The following MYEOV variants were observed in gnomAD, a reference collection of about 807,000 sequenced individuals.
The protein encoded by MYEOV is myeloma-overexpressed gene protein.
A neutral mutation model predicts 4.5 loss-of-function variants in MYEOV; 4 were observed. That is an observed-to-expected ratio of 0.89 (90% CI 0.44 to 2.03). The LOEUF (loss-of-function observed/expected upper bound fraction) is 2.03. MYEOV is among the 30% of genes most tolerant of loss of function. The pLI is 0.03. For synonymous variants in MYEOV, 184 were observed against 170.3 expected, an observed-to-expected ratio of 1.08 and a Z score of -0.63; for missense variants, 408 against 412.8, an observed-to-expected ratio of 0.99 and a Z score of 0.10.
In MYEOV at chr11:69,295,712, G is replaced by C; in HGVS notation, c.262G>C (p.Val88Leu). ...GRLCLSQALR[V>L]AVRGAFVSLW... is the part of the protein sequence containing the mutation. ...CCTCTGTCTCTCCCAGGCCCTGCGT[G>C]TTGCGGTGAGAGGAGCATTTGTGTC... The change falls in exon 3 of 3, where the codon GTT (valine) becomes CTT (leucine). Residue 88 changes from valine to leucine, a missense_variant. Val to Leu is a conservative substitution (Grantham distance 32). Coordinates refer to ENST00000441339, the MANE Select transcript of MYEOV (RefSeq NM_001293291.2). This position sits in a 1 kb window ranked among gnomAD's most constrained non-coding sequence, Gnocchi z 4.1. 1 of 1,614,224 alleles carries C rather than the reference G, an allele frequency of 6.2e-7. No homozygotes were observed. The highest frequency in any genetic ancestry group is 1.1e-5 in the South Asian group (1 of 91,078).
Position 69,296,624 on chromosome 11 carries a change from T to C in MYEOV, c.*232T>C, listed in dbSNP as rs1316704080. On this transcript the variant is annotated 3_prime_UTR_variant, in exon 3 of 3. Transcript: ENST00000441339. Reference sequence around the variant, plus strand: ...TCTTCCCTAACTAGACAATTTTTTATTGAGTGTCTCCCAGGTGCAGGCATG... The same window carrying C: ...TCTTCCCTAACTAGACAATTTTTTACTGAGTGTCTCCCAGGTGCAGGCATG... 2.6e-5 allele frequency: 11 copies of C among 429,482 alleles called. No homozygotes were observed. The highest frequency in any genetic ancestry group is 3.9e-5 in the Admixed American group (1 of 25,816). 26.6% of individuals were successfully genotyped at this position (429,482 alleles called of 1,614,324 possible).
Position 69,297,047 on chromosome 11 carries a change from GGGTCCCT to G in MYEOV, c.*659_*665del, listed in dbSNP as rs1472670607. On this transcript the variant is annotated 3_prime_UTR_variant, in exon 3 of 3. Transcript: ENST00000441339. ...GGTTCTTATTGGAACCCAGGCTCCA[GGGTCCCT>G]GGTTTTCTGTGACATCATGCTGCAG... is the stretch of plus-strand genomic sequence containing the variant. The G allele has an allele frequency of 6.6e-6, 1 of 152,190 alleles. No individual in the cohort carries two copies. Among genetic ancestry groups the G allele is most frequent in the African/African-American group, 2.4e-5 (1 of 41,436 alleles). 9.4% of individuals were successfully genotyped at this position (152,190 alleles called of 1,614,324 possible).
chr11:69,295,108 T>C lies in MYEOV; in HGVS notation c.-122-125T>C. ...CTTCCAGGATCATGAGGTGAAAACG[T>C]GAAGGGACCCTAGAGGCCATGGGGA... On this transcript the variant is annotated intron_variant, in intron 1 of 2. Transcript: ENST00000441339. The surrounding 1 kb of genome is among the most constrained non-coding windows in gnomAD (Gnocchi z 4.1). 1 of 562,730 alleles carries C rather than the reference T, an allele frequency of 1.8e-6. No individual in the cohort carries two copies. The highest frequency in any genetic ancestry group is 2.4e-5 in the South Asian group (1 of 41,702). The allele number at this position is 562,730 out of a possible 1,614,324, so 34.9% of individuals were successfully genotyped here. A position where few individuals can be genotyped will look rare whatever the true frequency, so the allele number is the denominator to read the frequency against.
chr11:69,296,453 C>A lies in MYEOV; in HGVS notation c.*61C>A. On this transcript the variant is annotated 3_prime_UTR_variant, in exon 3 of 3. Transcript: ENST00000441339. Reference sequence around the variant, plus strand: ...CCTCATTTAATCCTCAGAATGACTCCATGAGGTAGCTACTAAAACCCCCCA... The same window carrying A: ...CCTCATTTAATCCTCAGAATGACTCAATGAGGTAGCTACTAAAACCCCCCA... 9.0e-7 allele frequency: 1 copy of A among 1,105,738 alleles called. No individual in the cohort carries two copies. The highest frequency in any genetic ancestry group is 1.3e-6 in the Non-Finnish European group (1 of 794,284). The allele number at this position is 1,105,738 out of a possible 1,614,324, so 68.5% of individuals were successfully genotyped here.
Position 69,297,017 on chromosome 11 carries a change from T to C in MYEOV, c.*625T>C, listed in dbSNP as rs1037431533. 6 of 152,210 alleles carry C rather than the reference T, an allele frequency of 3.9e-5. No individual in the cohort carries two copies. The highest frequency in any genetic ancestry group is 1.4e-4 in the African/African-American group (6 of 41,442). The allele number at this position is 152,210 out of a possible 1,614,324, so 9.4% of individuals were successfully genotyped here. ...CAGGGAGAAATCTAAGGCGTCAGAA[T>C]GTAAGGTTCTTATTGGAACCCAGGC... On this transcript the variant is annotated 3_prime_UTR_variant, in exon 3 of 3. Transcript: ENST00000441339.
rs771807200 is a variant in MYEOV, at chr11:69,296,136, A to AT, written c.687dup (p.Glu230Ter). The AT allele has an allele frequency of 2.5e-6, 4 of 1,614,074 alleles. No individual in the cohort carries two copies. The Admixed American group carries it at 6.7e-5, about 27-fold the overall frequency. On this transcript the variant is annotated frameshift_variant, in exon 3 of 3. Coordinates refer to ENST00000441339, the MANE Select transcript of MYEOV (RefSeq NM_001293291.2). ...CTGGCAGAATCGAGCTGCCCTGACT[A>AT]TGAAAGGGGAAGAAGAGCATGCCTG...
Position 69,295,831 on chromosome 11 carries a change from C to T in MYEOV, c.381C>T (p.Asp127=), listed in dbSNP as rs144026711. 22 of 1,613,994 alleles carry T rather than the reference C, an allele frequency of 1.4e-5. No individual in the cohort carries two copies. The highest frequency in any genetic ancestry group is 4.0e-5 in the African/African-American group (3 of 74,888). The part of the protein sequence containing the change: ...TGAGLSQEAE[D]VDVSRARRVT... ...CGGGGCTCAGCCAGGAGGCAGAAGA[C>T]GTGGACGTGTCCCGGGCCAGGAGGG... Residue 127 remains aspartate, a synonymous_variant, in exon 3 of 3, where the codon GAC becomes GAT. Transcript: ENST00000441339. This position sits in a 1 kb window ranked among gnomAD's most constrained non-coding sequence, Gnocchi z 4.1.
rs980626078 is a variant in MYEOV, at chr11:69,296,359, C to T, written c.909C>T (p.Leu303=). The change falls in exon 3 of 3, where the codon CTC becomes CTT. Residue 303 remains leucine (L), a synonymous_variant. Coordinates refer to ENST00000441339, the MANE Select transcript of MYEOV (RefSeq NM_001293291.2). ...CTCCTCTCCTCCTCCACCACCTCCT[C>T]CTCCTCCTCCTCATCATCATCCTCA... The part of the protein sequence containing the change: ...GASPLLLHHL[L]LLLLIIILTC The T allele has an allele frequency of 1.4e-6, 2 of 1,480,012 alleles. No individual in the cohort carries two copies. Among genetic ancestry groups the T allele is most frequent in the Non-Finnish European group, 1.8e-6 (2 of 1,113,992 alleles). 91.7% of individuals were successfully genotyped at this position (1,480,012 alleles called of 1,614,324 possible).
rs146387225 is a variant in MYEOV at position 69,295,987 on chromosome 11, G to C, written c.537G>C (p.Ser179=). Residue 179 remains serine (S), a synonymous_variant, in exon 3 of 3, where the codon TCG becomes TCC. Transcript: ENST00000441339. The surrounding 1 kb of genome is among the most constrained non-coding windows in gnomAD (Gnocchi z 4.1). ...TGGGCGTTGAGCAGGCCATTAGCTCGTGCCCTGAGGAGGTGCATGGGCGGC... is the reference window on the plus strand; with the variant it reads ...TGGGCGTTGAGCAGGCCATTAGCTCCTGCCCTGAGGAGGTGCATGGGCGGC... ...FRVGVEQAIS[S]CPEEVHGRHG... 4.3e-6 allele frequency: 7 copies of C among 1,614,156 alleles called. No homozygotes were observed. In the South Asian group the frequency reaches 5.5e-5, roughly 13 times the overall value.
chr11:69,295,714 T>C lies in MYEOV; in HGVS notation c.264T>C (p.Val88=). The change falls in exon 3 of 3, where the codon GTT becomes GTC. Residue 88 remains valine (V), a synonymous_variant. Coordinates refer to ENST00000441339, the MANE Select transcript of MYEOV (RefSeq NM_001293291.2). The surrounding 1 kb of genome is among the most constrained non-coding windows in gnomAD (Gnocchi z 4.1). ...TCTGTCTCTCCCAGGCCCTGCGTGT[T>C]GCGGTGAGAGGAGCATTTGTGTCTC... The part of the protein sequence containing the change: ...GRLCLSQALR[V]AVRGAFVSLW... 2.5e-6 allele frequency: 4 copies of C among 1,614,040 alleles called. No individual in the cohort carries two copies. The highest frequency in any genetic ancestry group is 3.4e-6 in the Non-Finnish European group (4 of 1,179,996).
rs770704589 is a variant in MYEOV, at chr11:69,296,050, T to TGGGAGCCAG, written c.601_602insGGAGCCAGG (p.Asp200_Val201insGlySerGln). 6.2e-6 allele frequency: 10 copies of TGGGAGCCAG among 1,614,024 alleles called. No homozygotes were observed. The South Asian group carries it at 1.1e-4, about 18-fold the overall frequency. ...TGGAAATTATGTGGGCGCGAATGGA[T>TGGGAGCCAG]GTGGCTCTGCGCTCACCTGGGCGAG... On this transcript the variant is annotated inframe_insertion, in exon 3 of 3. Coordinates refer to ENST00000441339, the MANE Select transcript of MYEOV (RefSeq NM_001293291.2).
rs1467643182 is a variant in MYEOV at position 69,295,856 on chromosome 11, G to A, written c.406G>A (p.Val136Ile). The A allele has an allele frequency of 6.2e-7, 1 of 1,614,156 alleles. No homozygotes were observed. Among genetic ancestry groups the A allele is most frequent in the South Asian group, 1.1e-5 (1 of 91,086 alleles). ...EDVDVSRARR[V>I]TDAPQGTLCG... The stretch of plus-strand genomic sequence containing the variant: ...CGTGGACGTGTCCCGGGCCAGGAGG[G>A]TCACAGATGCACCACAAGGCACTCT... The change falls in exon 3 of 3, where the codon GTC (valine) becomes ATC (isoleucine). Residue 136 changes from valine to isoleucine, a missense_variant. Transcript: ENST00000441339. The surrounding 1 kb of genome is among the most constrained non-coding windows in gnomAD (Gnocchi z 4.1).
chr11:69,296,002 G>A lies in MYEOV; in HGVS notation c.552G>A (p.Val184=), dbSNP rs766412925. Residue 184 remains valine, a synonymous_variant, in exon 3 of 3, where the codon GTG becomes GTA. Coordinates refer to ENST00000441339, the MANE Select transcript of MYEOV (RefSeq NM_001293291.2). ...EQAISSCPEE[V]HGRHGLSMEI... ...CCATTAGCTCGTGCCCTGAGGAGGT[G>A]CATGGGCGGCATGGGCTCTCCATGG... 2.5e-6 allele frequency: 4 copies of A among 1,614,034 alleles called. No homozygotes were observed. The highest frequency in any genetic ancestry group is 1.6e-4 in the Middle Eastern group (1 of 6,084).
chr11:69,295,865 G>GCAC lies in MYEOV; in HGVS notation c.419_421dup (p.Pro140dup), dbSNP rs1855171982. ...GTCCCGGGCCAGGAGGGTCACAGAT[G>GCAC]CACCACAAGGCACTCTGTGTGGCAC... On this transcript the variant is annotated inframe_insertion, in exon 3 of 3. Transcript: ENST00000441339. The surrounding 1 kb of genome is among the most constrained non-coding windows in gnomAD (Gnocchi z 4.1). 1 of 1,614,192 alleles carries GCAC rather than the reference G, an allele frequency of 6.2e-7. No homozygotes were observed. Among genetic ancestry groups the GCAC allele is most frequent in the African/African-American group, 1.3e-5 (1 of 75,046 alleles).
rs552116583 is a variant in MYEOV, at chr11:69,296,256, T to TG, written c.813dup (p.Trp272ValfsTer6). On this transcript the variant is annotated frameshift_variant, in exon 3 of 3. Transcript: ENST00000441339. ...CTGACTGTTGTGACTGTTGAGGCCC[T>TG]GGGGGGGTGGCGCATGGGAGTTAGG... is the stretch of plus-strand genomic sequence containing the variant. 1.1e-5 allele frequency: 18 copies of TG among 1,590,472 alleles called. No homozygotes were observed. The highest frequency in any genetic ancestry group is 1.7e-4 in the Middle Eastern group (1 of 5,936).
rs754332632 is a variant in MYEOV at position 69,295,396 on chromosome 11, G to A, written c.42G>A (p.Pro14=). The part of the protein sequence containing the change: ...RICVTYTPAL[P]IGLCTRCCLC... ...GCGTCACATACACCCCAGCTCTCCC[G>A]ATAGGTCTCTGCACTCGCTGTTGCC... The change falls in exon 2 of 3, where the codon CCG becomes CCA. Residue 14 remains proline (P), a synonymous_variant. Coordinates refer to ENST00000441339, the MANE Select transcript of MYEOV (RefSeq NM_001293291.2). The surrounding 1 kb of genome is among the most constrained non-coding windows in gnomAD (Gnocchi z 4.1). 17 of 1,613,390 alleles carry A rather than the reference G, an allele frequency of 1.1e-5. No homozygotes were observed. The highest frequency in any genetic ancestry group is 4.5e-5 in the East Asian group (2 of 44,882).
In MYEOV at chr11:69,295,206, G is replaced by C. The variant is rs1207401165; in HGVS notation, c.-122-27G>C. ...TCAGTGCCTTCCCGGGGTGGATTAC[G>C]GATGGTAGTATCTTCCTTCTCCTCA... On this transcript the variant is annotated intron_variant, in intron 1 of 2. Transcript: ENST00000441339. This position sits in a 1 kb window ranked among gnomAD's most constrained non-coding sequence, Gnocchi z 4.1. 1 of 1,310,142 alleles carries C rather than the reference G, an allele frequency of 7.6e-7. No individual in the cohort carries two copies. The highest frequency in any genetic ancestry group is 2.7e-5 in the Admixed American group (1 of 37,616). 81.2% of individuals were successfully genotyped at this position (1,310,142 alleles called of 1,614,324 possible). A position where few individuals can be genotyped will look rare whatever the true frequency, so the allele number is the denominator to read the frequency against.
At position 69,295,774 on chromosome 11, in the gene MYEOV, A is replaced by G. The variant is rs761145482; in HGVS notation, c.324A>G (p.Arg108=). The change falls in exon 3 of 3, where the codon AGA becomes AGG. Residue 108 remains arginine (R), a synonymous_variant. Transcript: ENST00000441339. This position sits in a 1 kb window ranked among gnomAD's most constrained non-coding sequence, Gnocchi z 4.1. The part of the protein sequence containing the change: ...WFAAGAGDRE[R]NKGDKGAQTG... ...CTGCTGGAGCTGGTGACCGGGAGAG[A>G]AACAAGGGAGACAAGGGTGCCCAGA... 151 of 1,613,860 alleles carry G rather than the reference A, an allele frequency of 9.4e-5. No homozygotes were observed. Among genetic ancestry groups the G allele is most frequent in the Non-Finnish European group, 1.2e-4 (145 of 1,179,982 alleles).
At position 69,296,290 on chromosome 11, in the gene MYEOV, C is replaced by T. The variant is rs1855197077; in HGVS notation, c.840C>T (p.Gly280=). The change falls in exon 3 of 3, where the codon GGC becomes GGT. Residue 280 remains glycine, a synonymous_variant. Coordinates refer to ENST00000441339, the MANE Select transcript of MYEOV (RefSeq NM_001293291.2). ...GGCGCATGGGAGTTAGGAGGACTGG[C>T]CAGGTGGGGCCCACTATGCACCCAC... ...GGWRMGVRRT[G]QVGPTMHPPP... The T allele has an allele frequency of 6.4e-7, 1 of 1,554,496 alleles. No homozygotes were observed. Among genetic ancestry groups the T allele is most frequent in the Non-Finnish European group, 8.7e-7 (1 of 1,148,064 alleles).
Sources: allele counts gnomAD v4.1 joint callset, GRCh38; gene constraint gnomAD v4.1.1; non-coding constraint Gnocchi (gnomAD v3.1); transcripts MANE v1.5; gene names NCBI Gene and HGNC (gene_info 2026-07-23, HGNC 2026-07-21).